The following MAP3K20 variants were observed in gnomAD, a reference collection of about 807,000 sequenced individuals.
MAP3K20 encodes mitogen-activated protein kinase kinase kinase 20.
A neutral mutation model predicts 85.7 loss-of-function variants in MAP3K20; 40 were observed. That is an observed-to-expected ratio of 0.47 (90% confidence interval 0.36 to 0.61). The LOEUF is 0.61. Ranked by LOEUF, MAP3K20 falls within the 20% of genes least tolerant of loss-of-function variation. The probability of loss-of-function intolerance (pLI) is 0.00; values close to 1 mark genes in which losing one functional copy is unlikely to be tolerated. For missense variants in MAP3K20, 817 were observed against 961.7 expected (o/e 0.85, Z 1.99); for synonymous variants, 325 against 327.7 (o/e 0.99, Z 0.09).
chr2:173,218,925 T>G (rs1408664397), intron 11 of MAP3K20, among the ~76,000 whole-genome samples: 1 of 152,228 alleles, frequency 6.6e-6, no homozygotes, highest in Non-Finnish European at 1.5e-5. Flanking sequence ...CAAAACTTTC[T>G]GTGAAGGAAC....
chr2:173,093,060 A>G (rs1407006004), intron 2 of MAP3K20, among the ~76,000 whole-genome samples: 4 of 152,244 alleles, frequency 2.6e-5, no homozygotes, highest in African/African-American at 7.2e-5. Context: ...AAAGAGACAC[A>G]GTAAATTATG....
At chr2:173,079,007 TAC>T (rs1686941227) in intron 1 of MAP3K20, among the ~76,000 whole-genome samples, 1 of 152,286 alleles carries the variant, frequency 6.6e-6, no homozygotes, top group East Asian at 1.9e-4. Context: ...TAAGGATAAG[TAC>T]AGTCATGTGT....
chr2:173,222,936 A>C (rs1684290268), intron 11 of MAP3K20: 1 of 985,192 alleles, frequency 1.0e-6, no homozygotes, highest in African/African-American at 1.7e-5. Context: ...TTCAAACTAA[A>C]TTAGAAAGGA....
At chr2:173,192,944 C>CT (rs1174124322) in intron 7 of MAP3K20, 3 of 152,186 alleles carry the variant, frequency 2.0e-5, no homozygotes, top group African/African-American at 7.2e-5. Context: ...CACTTACAGT[C>CT]TCTGTTGCAT....
chr2:173,189,548 A>G (rs541865807), intron 5 of MAP3K20, among the ~76,000 whole-genome samples: 13 of 152,344 alleles, frequency 8.5e-5, no homozygotes, highest in Middle Eastern at 3.4e-3. Flanking sequence ...CTATTTTTCT[A>G]TCTGCTGATT....
intron 2 of MAP3K20, among the ~76,000 whole-genome samples, chr2:173,118,555 G>C (rs1464251634): frequency 6.6e-6 from 1 of 152,108 alleles, no homozygotes; most frequent in African/African-American, 2.4e-5. Context: ...AGATACACAA[G>C]CACACCCACA....
intron 2 of MAP3K20, among the ~76,000 whole-genome samples, chr2:173,127,573 T>C (rs895669421): frequency 6.6e-6 from 1 of 152,176 alleles, no homozygotes; most frequent in African/African-American, 2.4e-5. Flanking sequence ...ATATATTACA[T>C]TTACAGTAAA....
Position 173,196,694 on chromosome 2 carries a change from T to TA in MAP3K20, c.583-1331dup, listed in dbSNP as rs1345760232. 2.6e-5 allele frequency among the ~76,000 whole-genome samples: 4 copies of TA among 152,216 alleles called. No homozygotes were observed. The East Asian group carries it at 7.7e-4, about 29-fold the overall frequency. ...GAAAGGTTTCTATGATTTGCTTGAC[T>TA]AGAGAGTATGTGTGCTCCATCTACG... On this transcript the variant is annotated intron_variant, in intron 7 of 19. Transcript: ENST00000375213.
At chr2:173,218,765 CTTTAG>C in intron 11 of MAP3K20, among the ~76,000 whole-genome samples, 1 of 152,348 alleles carries the variant, frequency 6.6e-6, no homozygotes, top group African/African-American at 2.4e-5. Context: ...CAGAACCTTT[CTTTAG>C]TTTATTGGCA....
intron 2 of MAP3K20, among the ~76,000 whole-genome samples, chr2:173,133,889 G>T (rs1056389325): frequency 9.2e-5 from 14 of 151,574 alleles, no homozygotes; most frequent in Admixed American, 6.6e-4. Context: ...TACTTGGGAG[G>T]CTGAGGCAGA....
intron 3 of MAP3K20, among the ~76,000 whole-genome samples, chr2:173,174,667 ATG>A (rs1002279889): frequency 3.3e-5 from 5 of 152,086 alleles, no homozygotes; most frequent in East Asian, 1.9e-4. Flanking sequence ...CAATAAACAT[ATG>A]TGTGTGTGTG....
chr2:173,261,299 C>T (rs1241999175), intron 18 of MAP3K20, among the ~76,000 whole-genome samples, 162 bp downstream of exon 18: 1 of 152,182 alleles, frequency 6.6e-6, no homozygotes, highest in Non-Finnish European at 1.5e-5. Flanking sequence ...AATATAATTT[C>T]TCTCACAACG....
At chr2:173,233,953 G>T (rs780275395) in intron 14 of MAP3K20, among the ~76,000 whole-genome samples, 1 of 152,168 alleles carries the variant, frequency 6.6e-6, no homozygotes, top group South Asian at 2.1e-4. Context: ...CATGCATAGC[G>T]TATTTCCCAA....
At chr2:173,133,814 C>A (rs1459582881) in intron 2 of MAP3K20, among the ~76,000 whole-genome samples, 1 of 151,170 alleles carries the variant, frequency 6.6e-6, no homozygotes, top group African/African-American at 2.4e-5. Flanking sequence ...GAAACCCCAT[C>A]TCTACTAAAA....
At chr2:173,142,895 C>T (rs574554679) in intron 2 of MAP3K20, among the ~76,000 whole-genome samples, 1 of 152,208 alleles carries the variant, frequency 6.6e-6, no homozygotes, top group Non-Finnish European at 1.5e-5. Context: ...GGCACAGTGG[C>T]TCACACCTCT....
Position 173,081,043 on chromosome 2 carries a change from A to G in MAP3K20, c.-35+5041A>G, listed in dbSNP as rs577655273. Among the ~76,000 whole-genome samples the G allele has an allele frequency of 3.3e-5, 5 of 152,334 alleles. No homozygotes were observed. The South Asian group carries it at 1.0e-3, about 32-fold the overall frequency. On this transcript the variant is annotated intron_variant, in intron 1 of 19. Transcript: ENST00000375213. The stretch of plus-strand genomic sequence containing the variant: ...CCTTCAAGAATTTGTCCGTATAGCC[A>G]CAGATACCCCAATGCAAGCAAGTAC...
At chr2:173,114,538 G>A (rs1020138102) in intron 2 of MAP3K20, among the ~76,000 whole-genome samples, 5 of 152,070 alleles carry the variant, frequency 3.3e-5, no homozygotes, top group East Asian at 1.9e-4. Context: ...GTCTTGATGC[G>A]TTTCTAGGAT....
At chr2:173,139,661 G>T (rs1688910442) in intron 2 of MAP3K20, among the ~76,000 whole-genome samples, 1 of 151,978 alleles carries the variant, frequency 6.6e-6, no homozygotes. Context: ...GAATTTTTAA[G>T]TTCTTTTTCT....
intron 1 of MAP3K20, among the ~76,000 whole-genome samples, chr2:173,077,525 A>C (rs1412463634): frequency 6.6e-6 from 1 of 152,210 alleles, no homozygotes; most frequent in African/African-American, 2.4e-5. Context: ...AAACAGAATT[A>C]AGATAAAGAA....
Sources: allele counts gnomAD v4.1 joint callset (sites outside exome capture counted in the v4.1 genomes callset), GRCh38; gene constraint gnomAD v4.1.1; transcripts MANE v1.5; gene names NCBI Gene and HGNC (gene_info 2026-07-23, HGNC 2026-07-21).